Variants in KIFAP3 observed in about 807,000 individuals in gnomAD.
The protein encoded by KIFAP3 is kinesin-associated protein 3.
In KIFAP3, 68 loss-of-function variants were observed where a neutral mutation model predicts 106.5. That is an observed-to-expected ratio of 0.64 (90% CI 0.53 to 0.78). KIFAP3 has a LOEUF of 0.78. KIFAP3 is among the 30% of genes least tolerant of loss of function. The pLI is 0.00. For missense variants in KIFAP3, 780 were observed against 941.8 expected (o/e 0.83, Z 2.25); for synonymous variants, 320 against 311.5 (o/e 1.03, Z -0.29).
chr1:170,045,516 T>C lies in KIFAP3; in HGVS notation c.319+1196A>G, dbSNP rs145597884. ...TTTATGCAAATAGTCAGGCAAAGTATAACACTTATTTTGCAAATAAATTGG... is the reference window on the plus strand; with the variant it reads ...TTTATGCAAATAGTCAGGCAAAGTACAACACTTATTTTGCAAATAAATTGG... On this transcript the variant is annotated intron_variant, in intron 3 of 19. Transcript: ENST00000361580. Among the ~76,000 whole-genome samples the C allele has an allele frequency of 5.9e-4, 90 of 152,322 alleles. 1 individual carries two copies. Among genetic ancestry groups the C allele is most frequent in the Middle Eastern group, 3.4e-3 (1 of 294 alleles).
Position 169,982,753 on chromosome 1 carries a change from C to A in KIFAP3, c.1621G>T (p.Val541Phe). 1.2e-6 allele frequency: 2 copies of A among 1,610,692 alleles called. No homozygotes were observed. Among genetic ancestry groups the A allele is most frequent in the Non-Finnish European group, 1.7e-6 (2 of 1,177,950 alleles). Reference protein sequence around the residue: ...LTIPDLDWELVLKEYKLVPYL... With the variant: ...LTIPDLDWELFLKEYKLVPYL... ...GGAACCAACTTATATTCTTTAAGAA[C>A]CAATTCCCAGTCTAAGTCTGGAATG... Residue 541 changes from valine to phenylalanine, a missense_variant, in exon 14 of 20, where the codon GTT (valine) becomes TTT (phenylalanine). By Grantham distance (50) the Val-to-Phe change is conservative. Coordinates refer to ENST00000361580, the MANE Select transcript of KIFAP3 (RefSeq NM_014970.4).
intron 2 of KIFAP3, among the ~76,000 whole-genome samples, chr1:170,051,757 A>C (rs1670586863): frequency 6.6e-6 from 1 of 152,110 alleles, no homozygotes; most frequent in Non-Finnish European, 1.5e-5. Context: ...GGGTAAATAA[A>C]AAAATTAAGG....
intron 2 of KIFAP3, among the ~76,000 whole-genome samples, chr1:170,052,451 C>T (rs1466819355): frequency 6.6e-6 from 1 of 152,082 alleles, no homozygotes; most frequent in Non-Finnish European, 1.5e-5. Flanking sequence ...GAAACTATTC[C>T]AAGCAAGAGA....
At chr1:169,928,723 T>TAAAAAAAAAAAAAAAAAAAAA (rs1258694998) in intron 19 of KIFAP3, among the ~76,000 whole-genome samples, 67 of 65,350 alleles carry the variant, frequency 1.0e-3, no homozygotes, top group Non-Finnish European at 1.3e-3. Context: ...AAAAAAAAAT[T>TAAAAAAAAAAAAAAAAAAAAA]AAAGTTATAC....
At chr1:169,996,767 C>T (rs960449497) in intron 10 of KIFAP3, among the ~76,000 whole-genome samples, 1 of 152,060 alleles carries the variant, frequency 6.6e-6, no homozygotes, top group African/African-American at 2.4e-5. Flanking sequence ...GGACTCTGTA[C>T]GATCTGCTGG....
At chr1:169,946,574 C>A (rs978084643) in intron 19 of KIFAP3, among the ~76,000 whole-genome samples, 1 of 151,992 alleles carries the variant, frequency 6.6e-6, no homozygotes, top group African/African-American at 2.4e-5. Flanking sequence ...CTATTAGCTA[C>A]CTGGTTTTAG....
chr1:169,934,660 T>G (rs563771045), intron 19 of KIFAP3, among the ~76,000 whole-genome samples: 1 of 152,250 alleles, frequency 6.6e-6, no homozygotes, highest in South Asian at 2.1e-4. Context: ...CCTGACAATC[T>G]GGCACTTATA....
At position 170,039,215 on chromosome 1, in the gene KIFAP3, G is replaced by A; in HGVS notation, c.375+18C>T. ...TATAATCCAGTCCTCTATTAGATCA[G>A]AATGCATGCAGTCTTACCTCCATTC... On this transcript the variant is annotated intron_variant, in intron 4 of 19. Coordinates refer to ENST00000361580, the MANE Select transcript of KIFAP3 (RefSeq NM_014970.4). The A allele has an allele frequency of 2.6e-6, 4 of 1,513,384 alleles. No individual in the cohort carries two copies. Among genetic ancestry groups the A allele is most frequent in the Non-Finnish European group, 3.6e-6 (4 of 1,099,968 alleles). 93.7% of individuals were successfully genotyped at this position (1,513,384 alleles called of 1,614,324 possible).
At chr1:170,016,140 T>C (rs1474477720) in intron 10 of KIFAP3, among the ~76,000 whole-genome samples, 7 of 151,746 alleles carry the variant, frequency 4.6e-5, no homozygotes, top group Non-Finnish European at 1.0e-4. Flanking sequence ...ACCTGCGTTG[T>C]TTTTTTTAAG....
chr1:169,924,655 G>A (rs1409641500), intron 19 of KIFAP3, among the ~76,000 whole-genome samples: 1 of 152,148 alleles, frequency 6.6e-6, no homozygotes, highest in African/African-American at 2.4e-5. Flanking sequence ...TATAGTGGGG[G>A]AAATCAGGCT....
chr1:170,044,611 G>C (rs1180823628), intron 3 of KIFAP3, among the ~76,000 whole-genome samples: 1 of 152,170 alleles, frequency 6.6e-6, no homozygotes, highest in Non-Finnish European at 1.5e-5. Flanking sequence ...TCTAATTGGG[G>C]TCAGCAGTGC....
chr1:170,059,731 C>G (rs1286993161), intron 1 of KIFAP3, among the ~76,000 whole-genome samples: 1 of 152,136 alleles, frequency 6.6e-6, no homozygotes, highest in Non-Finnish European at 1.5e-5. Flanking sequence ...AATTTTAAAC[C>G]AATATCCCTG....
intron 16 of KIFAP3, among the ~76,000 whole-genome samples, chr1:169,976,987 A>T (rs1295334728): frequency 6.6e-6 from 1 of 151,978 alleles, no homozygotes; most frequent in Non-Finnish European, 1.5e-5. Flanking sequence ...AGGTTCCCAA[A>T]GTGCTGGGAT....
chr1:169,983,232 C>A, intron 13 of KIFAP3, 38 bp downstream of exon 13: 1 of 1,158,946 alleles, frequency 8.6e-7, no homozygotes, highest in South Asian at 1.3e-5. Flanking sequence ...AATTTCAATT[C>A]CCAGTCTATT....
At chr1:169,986,780 A>G (rs2101920178) in intron 11 of KIFAP3, among the ~76,000 whole-genome samples, 2 of 152,074 alleles carry the variant, frequency 1.3e-5, no homozygotes, top group South Asian at 4.1e-4. Flanking sequence ...CAAGCAAAGT[A>G]TTTATTGCTA....
intron 19 of KIFAP3, among the ~76,000 whole-genome samples, chr1:169,944,524 C>T (rs1459022895): frequency 3.3e-5 from 5 of 152,030 alleles, no homozygotes; most frequent in African/African-American, 9.7e-5. Context: ...TGAGTGGGGG[C>T]GACGTGTTTC....
At chr1:170,046,341 AAAG>A in intron 3 of KIFAP3, among the ~76,000 whole-genome samples, 2 of 152,258 alleles carry the variant, frequency 1.3e-5, no homozygotes, top group Middle Eastern at 3.4e-3. Context: ...CAAATATAAA[AAAG>A]AAGTTTATAA....
intron 16 of KIFAP3, among the ~76,000 whole-genome samples, chr1:169,973,995 T>C (rs1666085034): frequency 6.6e-6 from 1 of 151,764 alleles, no homozygotes; most frequent in Non-Finnish European, 1.5e-5. Flanking sequence ...GGTTATAAAA[T>C]GAAGTGAAAT....
At chr1:170,072,930 A>G (rs1671770415) in intron 1 of KIFAP3, among the ~76,000 whole-genome samples, 1 of 152,184 alleles carries the variant, frequency 6.6e-6, no homozygotes, top group Admixed American at 6.5e-5. Flanking sequence ...CAAACATTAC[A>G]TTGACTGGCT....
Sources: allele counts gnomAD v4.1 joint callset (sites outside exome capture counted in the v4.1 genomes callset), GRCh38; gene constraint gnomAD v4.1.1; transcripts MANE v1.5; gene names NCBI Gene and HGNC (gene_info 2026-07-23, HGNC 2026-07-21).